Variants in ZNF140 observed in about 807,000 individuals in gnomAD.
The protein encoded by ZNF140 is zinc finger protein 140.
A neutral mutation model predicts 12.9 loss-of-function variants in ZNF140; 13 were observed. The ratio of observed to expected loss-of-function variants is 1.01; its 90% CI spans 0.66 to 1.60. The LOEUF is 1.60. Ranked by LOEUF, ZNF140 falls within the 40% of genes most tolerant of loss-of-function variation. The probability of loss-of-function intolerance (pLI) is 0.00; values close to 1 mark genes in which losing one functional copy is unlikely to be tolerated. For synonymous variants in ZNF140, 214 were observed against 186.7 expected (o/e 1.15, Z -1.19); for missense variants, 531 against 548.8 (o/e 0.97, Z 0.32).
At chr12:133,093,953 CCT>C (rs1346207791) in intron 4 of ZNF140, among the ~76,000 whole-genome samples, 1 of 151,168 alleles carries the variant, frequency 6.6e-6, no homozygotes, top group Admixed American at 6.6e-5. Context: ...TCTGTTATCC[CCT>C]GTGTCCTCTC....
chr12:133,097,851 T>TGTGTG (rs1219923897), intron 4 of ZNF140, among the ~76,000 whole-genome samples: 2 of 78,564 alleles, frequency 2.5e-5, no homozygotes, highest in Non-Finnish European at 6.0e-5. Context: ...GTGTGTGTGT[T>TGTGTG]TTTGAGATGA....
intron 4 of ZNF140, among the ~76,000 whole-genome samples, chr12:133,102,156 T>G (rs1050115257): frequency 6.6e-6 from 1 of 152,134 alleles, no homozygotes; most frequent in African/African-American, 2.4e-5. Flanking sequence ...TTTTTCCACC[T>G]TATGTGGGAT....
At chr12:133,103,384 A>G (rs779733649) in intron 4 of ZNF140, among the ~76,000 whole-genome samples, 77 of 152,238 alleles carry the variant, frequency 5.1e-4, no homozygotes, top group Middle Eastern at 3.4e-3. Context: ...TCACTCTGTC[A>G]AGTAGCTAGA....
In ZNF140 at chr12:133,104,627, A is replaced by G. The variant is rs935100565; in HGVS notation, c.233-883A>G. Reference sequence around the variant, plus strand: ...TGGCCTCCCAAAGTGCTGAGATTACAGGCGTGAGCCACTGCGCCCGGCCAA... The same window carrying G: ...TGGCCTCCCAAAGTGCTGAGATTACGGGCGTGAGCCACTGCGCCCGGCCAA... On this transcript the variant is annotated intron_variant, in intron 4 of 4. Coordinates refer to ENST00000355557, the MANE Select transcript of ZNF140 (RefSeq NM_003440.4). Among the ~76,000 whole-genome samples, 11 of 152,300 alleles carry G rather than the reference A, an allele frequency of 7.2e-5. No homozygotes were observed. In the South Asian group the frequency reaches 1.9e-3, roughly 26 times the overall value.
intron 4 of ZNF140, among the ~76,000 whole-genome samples, chr12:133,100,821 C>G (rs1255670087): frequency 1.3e-5 from 2 of 150,470 alleles, no homozygotes; most frequent in Non-Finnish European, 3.0e-5. Flanking sequence ...TCCTAAGTGA[C>G]TAACAGGTGG....
chr12:133,092,205 TTTTAGA>T (rs1311751942), intron 4 of ZNF140, among the ~76,000 whole-genome samples: 3 of 151,102 alleles, frequency 2.0e-5, no homozygotes, highest in Non-Finnish European at 4.4e-5. Flanking sequence ...AAAATGAATC[TTTTAGA>T]TTTAGTTAGA....
At chr12:133,103,252 A>T (rs1955426240) in intron 4 of ZNF140, among the ~76,000 whole-genome samples, 2 of 152,278 alleles carry the variant, frequency 1.3e-5, no homozygotes, top group South Asian at 4.1e-4. Context: ...ACCATGCAAG[A>T]GAACACCTGA....
intron 4 of ZNF140, among the ~76,000 whole-genome samples, chr12:133,090,769 A>G (rs1239900481): frequency 6.9e-6 from 1 of 144,630 alleles, no homozygotes; most frequent in South Asian, 2.2e-4. Flanking sequence ...GCAGGGTGAT[A>G]ATAAGGAGAA....
At chr12:133,090,900 G>A (rs958916081) in intron 4 of ZNF140, among the ~76,000 whole-genome samples, 1 of 141,520 alleles carries the variant, frequency 7.1e-6, no homozygotes, top group Non-Finnish European at 1.6e-5. Context: ...CATCTCAGCG[G>A]AGTAAAGAAT....
chr12:133,081,351 A>ATATATATATG (rs1346296187), intron 2 of ZNF140, 22 bp downstream of exon 2: 3 of 240,088 alleles, frequency 1.2e-5, no homozygotes, highest in African/African-American at 9.4e-5. Flanking sequence ...ATTGATAAAT[A>ATATATATATG]TATATATATA....
intron 4 of ZNF140, among the ~76,000 whole-genome samples, chr12:133,101,723 G>A (rs7485900): frequency 0.48 from 73,093 of 152,014 alleles, 18,254 homozygotes; most frequent in Non-Finnish European, 0.56. Flanking sequence ...GATTACAGGC[G>A]TGAGCCACTG....
chr12:133,083,312 G>C, intron 3 of ZNF140, 83 bp downstream of exon 3: 2 of 1,539,202 alleles, frequency 1.3e-6, no homozygotes, highest in East Asian at 4.5e-5. Context: ...ATATTCCCAA[G>C]AGAGGTATGG....
Position 133,083,149 on chromosome 12 carries a change from A to T in ZNF140, c.56A>T (p.Glu19Val). 1 of 1,614,204 alleles carries T rather than the reference A, an allele frequency of 6.2e-7. No homozygotes were observed. Among genetic ancestry groups the T allele is most frequent in the Non-Finnish European group, 8.5e-7 (1 of 1,180,042 alleles). ...RDVAIDFSQE[E>V]WKWLQPAQRD... Reference sequence around the variant, plus strand: ...GTGGCCATAGACTTCTCCCAGGAGGAGTGGAAATGGCTTCAGCCTGCTCAA... The same window carrying T: ...GTGGCCATAGACTTCTCCCAGGAGGTGTGGAAATGGCTTCAGCCTGCTCAA... The change falls in exon 3 of 5, where the codon GAG (glutamate) becomes GTG (valine). Residue 19 changes from glutamate (E) to valine (V), a missense_variant. Physicochemically the swap from Glu to Val is moderately radical, Grantham distance 121. Coordinates refer to ENST00000355557, the MANE Select transcript of ZNF140 (RefSeq NM_003440.4).
In ZNF140 at chr12:133,106,933, A is replaced by AG; in HGVS notation, c.*283dup. The stretch of plus-strand genomic sequence containing the variant: ...TGTTGAGAAGACTTCATTTGGTAGG[A>AG]GTCCCTTACTTTACGTGTGTAAATT... On this transcript the variant is annotated 3_prime_UTR_variant, in exon 5 of 5. Coordinates refer to ENST00000355557, the MANE Select transcript of ZNF140 (RefSeq NM_003440.4). 4.0e-6 allele frequency: 1 copy of AG among 251,026 alleles called. No homozygotes were observed. The highest frequency in any genetic ancestry group is 7.9e-5 in the South Asian group (1 of 12,622). The allele number at this position is 251,026 out of a possible 1,614,324, so 15.5% of individuals were successfully genotyped here. A position where few individuals can be genotyped will look rare whatever the true frequency, so the allele number is the denominator to read the frequency against.
At chr12:133,095,171 A>G (rs1955023370) in intron 4 of ZNF140, among the ~76,000 whole-genome samples, 1 of 151,118 alleles carries the variant, frequency 6.6e-6, no homozygotes, top group South Asian at 2.1e-4. Flanking sequence ...CAATCTTTTA[A>G]ATCTAAAGTT....
At chr12:133,093,568 A>G (rs1954967725) in intron 4 of ZNF140, 1 of 675,024 alleles carries the variant, frequency 1.5e-6, no homozygotes, top group Admixed American at 2.1e-5. Flanking sequence ...TCTCTCCCCC[A>G]TGTTATCACC....
intron 4 of ZNF140, among the ~76,000 whole-genome samples, chr12:133,103,193 TTC>T (rs1238702372): frequency 3.3e-5 from 5 of 152,220 alleles, no homozygotes; most frequent in East Asian, 1.9e-4. Flanking sequence ...CATTCAAAAC[TTC>T]TCTCTTCTAT....
In ZNF140 at chr12:133,106,023, A is replaced by T. The variant is rs765990021; in HGVS notation, c.746A>T (p.Glu249Val). ...HTGEKPYECT[E>V]CGKAFSRASN... is the part of the protein sequence containing the mutation. The stretch of plus-strand genomic sequence containing the variant: ...GGGGAGAAACCTTATGAATGTACTG[A>T]GTGTGGAAAGGCCTTTAGCCGTGCC... Residue 249 changes from glutamate to valine, a missense_variant, in exon 5 of 5, where the codon GAG becomes GTG. By Grantham distance (121) the Glu-to-Val change is moderately radical. Transcript: ENST00000355557. The T allele has an allele frequency of 4.3e-6, 7 of 1,614,198 alleles. No homozygotes were observed. The highest frequency in any genetic ancestry group is 1.7e-5 in the Admixed American group (1 of 60,032).
rs747223649 is a variant in ZNF140, at chr12:133,096,139, C to A, written c.233-9371C>A. ...TGGGGAGAAACCTTGGACAATACCC[C>A]GCTTCCAAGGGCAGAGGTCCCTGTG... On this transcript the variant is annotated intron_variant, in intron 4 of 4. Coordinates refer to ENST00000355557, the MANE Select transcript of ZNF140 (RefSeq NM_003440.4). Among the ~76,000 whole-genome samples the A allele has an allele frequency of 9.8e-4, 148 of 150,664 alleles. 6 individuals are homozygous for A. Among genetic ancestry groups the A allele is most frequent in the Admixed American group, 4.6e-3 (70 of 15,070 alleles).
Sources: allele counts gnomAD v4.1 joint callset (sites outside exome capture counted in the v4.1 genomes callset), GRCh38; gene constraint gnomAD v4.1.1; transcripts MANE v1.5; gene names NCBI Gene and HGNC (gene_info 2026-07-23, HGNC 2026-07-21).